SLC25A26: variants seen among roughly 807,000 people sequenced by gnomAD.
The protein encoded by SLC25A26 is solute carrier family 25 member 26.
A neutral mutation model predicts 37.8 loss-of-function variants in SLC25A26; 36 were observed. The observed-to-expected ratio is 0.95, with a 90% CI of 0.73 to 1.26. The LOEUF is 1.26. SLC25A26 is among the 50% of genes most tolerant of loss of function. The pLI is 0.00. For synonymous variants in SLC25A26, 129 were observed against 122.5 expected (o/e 1.05, Z -0.35); for missense variants, 390 against 331.1 (o/e 1.18, Z -1.38).
intron 1 of SLC25A26, among the ~76,000 whole-genome samples, chr3:66,195,460 T>C (rs2071030056): frequency 6.6e-6 from 1 of 152,256 alleles, no homozygotes; most frequent in African/African-American, 2.4e-5. Flanking sequence ...GGAGATCTGC[T>C]GCATCCTCTT....
At chr3:66,322,921 A>G (rs111878338) in intron 5 of SLC25A26, among the ~76,000 whole-genome samples, 18 of 152,292 alleles carry the variant, frequency 1.2e-4, no homozygotes, top group African/African-American at 3.8e-4. Flanking sequence ...ATTTCCCCCA[A>G]TCTGTTTTTT....
intron 5 of SLC25A26, among the ~76,000 whole-genome samples, chr3:66,273,031 T>G (rs2074010418): frequency 6.6e-6 from 1 of 152,208 alleles, no homozygotes; most frequent in Non-Finnish European, 1.5e-5. Context: ...AAAGGCCTTT[T>G]CTGCATCTGT....
At chr3:66,344,422 C>G (rs528014612) in intron 5 of SLC25A26, among the ~76,000 whole-genome samples, 3 of 151,888 alleles carry the variant, frequency 2.0e-5, no homozygotes, top group Admixed American at 6.6e-5. Context: ...GAGATCGTGC[C>G]ACTGCACTCC....
At chr3:66,375,783 T>C (rs546073262) in intron 9 of SLC25A26, among the ~76,000 whole-genome samples, 6 of 152,250 alleles carry the variant, frequency 3.9e-5, no homozygotes, top group Non-Finnish European at 7.4e-5. Flanking sequence ...TTCTCATGCC[T>C]ACTATCAACA....
intron 2 of SLC25A26, among the ~76,000 whole-genome samples, chr3:66,242,835 T>C (rs893546466): frequency 6.6e-6 from 1 of 152,266 alleles, no homozygotes; most frequent in African/African-American, 2.4e-5. Context: ...TTCATCAATG[T>C]AGTTGATTGT....
intron 6 of SLC25A26, among the ~76,000 whole-genome samples, chr3:66,360,412 CAAT>C (rs1211628998): frequency 6.6e-6 from 1 of 151,908 alleles, no homozygotes; most frequent in African/African-American, 2.4e-5. Flanking sequence ...TGAAAATAAA[CAAT>C]AAAAGTTACC....
chr3:66,185,840 G>C (rs913508069), intron 1 of SLC25A26, among the ~76,000 whole-genome samples: 1 of 151,970 alleles, frequency 6.6e-6, no homozygotes, highest in Non-Finnish European at 1.5e-5. Flanking sequence ...CCCCTACCCT[G>C]TATCTAAATT....
At chr3:66,187,633 C>A in intron 1 of SLC25A26, among the ~76,000 whole-genome samples, 1 of 152,116 alleles carries the variant, frequency 6.6e-6, no homozygotes, top group Middle Eastern at 3.4e-3. Flanking sequence ...CTCATGCAAA[C>A]CTTGACCCTA....
chr3:66,249,276 T>C (rs1489927775), intron 3 of SLC25A26, among the ~76,000 whole-genome samples: 6 of 152,200 alleles, frequency 3.9e-5, no homozygotes, highest in East Asian at 1.9e-4. Context: ...GCTTGTTTTA[T>C]GGTTTAGCTC....
At chr3:66,292,400 C>G (rs2074743626) in intron 5 of SLC25A26, among the ~76,000 whole-genome samples, 1 of 152,158 alleles carries the variant, frequency 6.6e-6, no homozygotes, top group Non-Finnish European at 1.5e-5. Flanking sequence ...TGTTGACGGT[C>G]TTTACAATTT....
intron 5 of SLC25A26, among the ~76,000 whole-genome samples, chr3:66,273,389 T>A (rs933347621): frequency 6.6e-6 from 1 of 152,148 alleles, no homozygotes; most frequent in Non-Finnish European, 1.5e-5. Context: ...CTTGTACCTC[T>A]GGTAGAATTC....
rs939859967 is a variant in SLC25A26, at chr3:66,181,862, C to T, written c.-353-38880C>T. ...AGGCATTTCCTCTTCTTTCCCTGGA[C>T]CTGCGTGTCTTTTCTCTTGTTCGTT... On this transcript the variant is annotated intron_variant, in intron 1 of 10. Transcript: ENST00000676754. Among the ~76,000 whole-genome samples, 3 of 144,940 alleles carry T rather than the reference C, an allele frequency of 2.1e-5. No homozygotes were observed. The Admixed American group carries it at 2.1e-4, about 10-fold the overall frequency.
At chr3:66,195,594 G>T (rs2071032690) in intron 1 of SLC25A26, among the ~76,000 whole-genome samples, 1 of 152,238 alleles carries the variant, frequency 6.6e-6, no homozygotes, top group Non-Finnish European at 1.5e-5. Flanking sequence ...GCTAGCGTCT[G>T]GCTGATGGGT....
At chr3:66,154,835 A>G (rs1415844370) in intron 1 of SLC25A26, among the ~76,000 whole-genome samples, 1 of 152,206 alleles carries the variant, frequency 6.6e-6, no homozygotes, top group Non-Finnish European at 1.5e-5. Context: ...TAGTTTTACT[A>G]GCTTGCCTAT....
intron 1 of SLC25A26, among the ~76,000 whole-genome samples, chr3:66,164,041 G>T (rs1045267112): frequency 6.6e-6 from 1 of 152,072 alleles, no homozygotes; most frequent in Non-Finnish European, 1.5e-5. Context: ...AATAGTGTTG[G>T]GGTTGAGAAA....
chr3:66,319,935 C>T (rs575343911), intron 5 of SLC25A26, among the ~76,000 whole-genome samples: 34 of 151,662 alleles, frequency 2.2e-4, no homozygotes, highest in African/African-American at 6.8e-4. Context: ...TTAGTAGAGA[C>T]GGAGTTTCTC....
At chr3:66,304,251 CTGGA>C (rs2075154253) in intron 5 of SLC25A26, among the ~76,000 whole-genome samples, 1 of 152,184 alleles carries the variant, frequency 6.6e-6, no homozygotes, top group Admixed American at 6.5e-5. Context: ...CCCATCCACA[CTGGA>C]TGGGGGAGGA....
chr3:66,136,257 C>T (rs929959550), intron 1 of SLC25A26, among the ~76,000 whole-genome samples: 1 of 152,114 alleles, frequency 6.6e-6, no homozygotes, highest in East Asian at 1.9e-4. Flanking sequence ...CGGTGGTTCA[C>T]TCATTAGTAA....
intron 7 of SLC25A26, among the ~76,000 whole-genome samples, chr3:66,366,404 C>A (rs1331582527): frequency 6.6e-6 from 1 of 152,170 alleles, no homozygotes. Context: ...TACAGCCTTA[C>A]AAAAGCATTG....
Sources: gnomAD v4.1 joint callset for allele counts (sites outside exome capture counted in the v4.1 genomes callset) on GRCh38, gnomAD v4.1.1 for gene constraint, MANE v1.5 for transcripts, NCBI Gene and HGNC (gene_info 2026-07-23, HGNC 2026-07-21) for gene names.